Variants in TNFRSF19 observed in about 807,000 individuals in gnomAD.
The protein encoded by TNFRSF19 is tumor necrosis factor receptor superfamily member 19.
Under a neutral mutation model 46.4 loss-of-function variants are expected in TNFRSF19, and 27 were observed. The observed-to-expected ratio is 0.58, with a 90% CI of 0.43 to 0.80. The LOEUF (loss-of-function observed/expected upper bound fraction) is 0.80, where lower values mean the gene tolerates loss of function less well. Ranked by LOEUF, TNFRSF19 falls within the 30% of genes least tolerant of loss-of-function variation. TNFRSF19 has a pLI of 0.00. For synonymous variants in TNFRSF19, 204 were observed against 205.0 expected (o/e 1.00, Z 0.04); for missense variants, 511 against 530.8 (o/e 0.96, Z 0.37).
intron 5 of TNFRSF19, among the ~76,000 whole-genome samples, chr13:23,646,635 T>C (rs1440179726): frequency 2.0e-5 from 3 of 152,218 alleles, no homozygotes; most frequent in African/African-American, 7.2e-5. Context: ...TTTAAAAGGC[T>C]GAATAATATT....
chr13:23,633,591 G>A (rs1415263176), intron 5 of TNFRSF19, among the ~76,000 whole-genome samples: 3 of 151,944 alleles, frequency 2.0e-5, no homozygotes, highest in African/African-American at 7.2e-5. Context: ...GCTCATGCCT[G>A]TAATCCCAGC....
chr13:23,654,484 G>C (rs938867707), intron 5 of TNFRSF19, among the ~76,000 whole-genome samples: 1 of 152,004 alleles, frequency 6.6e-6, no homozygotes, highest in Non-Finnish European at 1.5e-5. Flanking sequence ...GGAGGACCCC[G>C]AACATCTCTG....
intron 1 of TNFRSF19, among the ~76,000 whole-genome samples, chr13:23,573,481 G>GTC (rs754106586): frequency 2.7e-5 from 4 of 146,952 alleles, no homozygotes; most frequent in South Asian, 4.2e-4. Flanking sequence ...TTGTGTGTTT[G>GTC]CCTCTGTGTG....
intron 3 of TNFRSF19, among the ~76,000 whole-genome samples, chr13:23,614,023 G>C (rs1187438435): frequency 6.6e-6 from 1 of 152,204 alleles, no homozygotes; most frequent in Non-Finnish European, 1.5e-5. Context: ...TCCTCTGAAA[G>C]AGATAATCCC....
At chr13:23,597,519 C>T (rs1879819419) in intron 3 of TNFRSF19, among the ~76,000 whole-genome samples, 1 of 152,126 alleles carries the variant, frequency 6.6e-6, no homozygotes, top group African/African-American at 2.4e-5. Context: ...AATTCCTGGA[C>T]ACATACACCC....
intron 3 of TNFRSF19, among the ~76,000 whole-genome samples, chr13:23,603,124 G>A (rs1013003506): frequency 1.3e-5 from 2 of 151,918 alleles, no homozygotes; most frequent in African/African-American, 2.4e-5. Context: ...GAAAATAAGG[G>A]AGAGGACACA....
At position 23,668,003 on chromosome 13, in the gene TNFRSF19, A is replaced by G. The variant is rs34983774; in HGVS notation, c.760A>G (p.Met254Val). The change falls in exon 8 of 10, where the codon ATG (methionine) becomes GTG (valine). Residue 254 changes from methionine to valine, a missense_variant. Physicochemically the swap from Met to Val is conservative, Grantham distance 21. Transcript: ENST00000248484. Reference protein sequence around the residue: ...TCGPVRLLPSMCCEEACSPNP... With the variant: ...TCGPVRLLPSVCCEEACSPNP... ...AGGGCCGGTGCGCTTGCTCCCATCCATGTGCTGTGAGGAGGCCTGCAGCCC... is the reference window on the plus strand; with the variant it reads ...AGGGCCGGTGCGCTTGCTCCCATCCGTGTGCTGTGAGGAGGCCTGCAGCCC... 5.1e-4 allele frequency: 825 copies of G among 1,609,470 alleles called. 1 individual carries two copies. In the African/African-American group the frequency reaches 5.6e-3, roughly 11 times the overall value.
Position 23,674,615 on chromosome 13 carries a change from C to A in TNFRSF19, c.*1235C>A, listed in dbSNP as rs1951802849. 1 of 152,198 alleles carries A rather than the reference C, an allele frequency of 6.6e-6. No homozygotes were observed. Among genetic ancestry groups the A allele is most frequent in the Non-Finnish European group, 1.5e-5 (1 of 68,036 alleles). 9.4% of individuals were successfully genotyped at this position (152,198 alleles called of 1,614,324 possible). Reference sequence around the variant, plus strand: ...AGCTAAGACAGAAATTAACCCCGTTCAGTCACAAAGCAGGGAATGGTTCAT... The same window carrying A: ...AGCTAAGACAGAAATTAACCCCGTTAAGTCACAAAGCAGGGAATGGTTCAT... On this transcript the variant is annotated 3_prime_UTR_variant, in exon 10 of 10. Coordinates refer to ENST00000248484, the MANE Select transcript of TNFRSF19 (RefSeq NM_148957.4).
At chr13:23,629,647 T>A (rs1882230201) in intron 5 of TNFRSF19, among the ~76,000 whole-genome samples, 1 of 152,212 alleles carries the variant, frequency 6.6e-6, no homozygotes, top group African/African-American at 2.4e-5. Context: ...TGGTGTAACC[T>A]TGGGCAAATA....
At chr13:23,651,632 A>T (rs553521080) in intron 5 of TNFRSF19, among the ~76,000 whole-genome samples, 150 of 152,302 alleles carry the variant, frequency 9.8e-4, no homozygotes, top group African/African-American at 3.5e-3. Flanking sequence ...AAAATAACAC[A>T]TAAAATGAAG....
At chr13:23,590,605 G>C (rs1306622498) in intron 2 of TNFRSF19, among the ~76,000 whole-genome samples, 2 of 152,174 alleles carry the variant, frequency 1.3e-5, no homozygotes, top group African/African-American at 4.8e-5. Flanking sequence ...AAAGTGCCGG[G>C]ATTACAGGCA....
intron 5 of TNFRSF19, among the ~76,000 whole-genome samples, chr13:23,657,075 A>G (rs183245596): frequency 1.2e-4 from 18 of 152,300 alleles, no homozygotes; most frequent in Non-Finnish European, 2.1e-4. Context: ...AATATTAAAC[A>G]TGTTTACAAA....
At chr13:23,633,766 T>A (rs1882502275) in intron 5 of TNFRSF19, among the ~76,000 whole-genome samples, 1 of 152,108 alleles carries the variant, frequency 6.6e-6, no homozygotes, top group African/African-American at 2.4e-5. Context: ...GAAGAATCAC[T>A]TGAACGCGGG....
intron 3 of TNFRSF19, among the ~76,000 whole-genome samples, chr13:23,614,126 G>GAAC (rs1454955317): frequency 6.6e-6 from 1 of 152,126 alleles, no homozygotes; most frequent in East Asian, 1.9e-4. Flanking sequence ...CTCTGATATA[G>GAAC]AACATTGTGT....
chr13:23,604,395 G>T (rs9553015), intron 3 of TNFRSF19, among the ~76,000 whole-genome samples: 51,274 of 151,846 alleles, frequency 0.34, 9,055 homozygotes, highest in East Asian at 0.54. Context: ...TGTTTATGGA[G>T]AGGAAGATTC....
rs1409350788 is a variant in TNFRSF19, at chr13:23,570,454, G to A, written c.-429G>A. On this transcript the variant is annotated 5_prime_UTR_variant, in exon 1 of 10. Transcript: ENST00000248484. Reference sequence around the variant, plus strand: ...ACACACAGTCCACAACACAGCTTGGGAACCAAAAAAGCTACAGATCCAGCC... The same window carrying A: ...ACACACAGTCCACAACACAGCTTGGAAACCAAAAAAGCTACAGATCCAGCC... The A allele has an allele frequency of 2.0e-5, 3 of 152,186 alleles. No individual in the cohort carries two copies. The highest frequency in any genetic ancestry group is 4.4e-5 in the Non-Finnish European group (3 of 68,080). 9.4% of individuals were successfully genotyped at this position (152,186 alleles called of 1,614,324 possible).
At chr13:23,574,202 G>A (rs1877812057) in intron 1 of TNFRSF19, among the ~76,000 whole-genome samples, 1 of 151,770 alleles carries the variant, frequency 6.6e-6, no homozygotes, top group South Asian at 2.1e-4. Context: ...CCCTCTTTAG[G>A]ATTCCTACAT....
intron 3 of TNFRSF19, among the ~76,000 whole-genome samples, chr13:23,599,012 A>C (rs1324974931): frequency 6.6e-6 from 1 of 152,238 alleles, no homozygotes; most frequent in Admixed American, 6.5e-5. Flanking sequence ...TGCATTCTGC[A>C]AGTGGCTTCT....
chr13:23,592,074 G>A (rs1468602073), intron 2 of TNFRSF19, among the ~76,000 whole-genome samples: 4 of 151,862 alleles, frequency 2.6e-5, no homozygotes, highest in Admixed American at 2.6e-4. Context: ...TCTTCCTCCT[G>A]CTTGCCCTAG....
Sources: gnomAD v4.1 joint callset for allele counts (sites outside exome capture counted in the v4.1 genomes callset) on GRCh38, gnomAD v4.1.1 for gene constraint, MANE v1.5 for transcripts, NCBI Gene and HGNC (gene_info 2026-07-23, HGNC 2026-07-21) for gene names.